Variants in RORB observed in about 807,000 individuals in gnomAD.
RORB encodes the protein nuclear receptor ROR-beta.
A neutral mutation model predicts 59.1 loss-of-function variants in RORB; 6 were observed. The ratio of observed to expected loss-of-function variants is 0.10; its 90% CI spans 0.06 to 0.20. RORB has a LOEUF of 0.20. Among genes scored for constraint, RORB ranks in the 10% least tolerant of loss-of-function variants. The pLI is 1.00. For synonymous variants in RORB, 215 were observed against 204.5 expected, an observed-to-expected ratio of 1.05 and a Z score of -0.44; for missense variants, 320 against 560.5, an observed-to-expected ratio of 0.57 and a Z score of 4.33.
chr9:74,643,658 A>C (rs755889328), intron 4 of RORB, among the ~76,000 whole-genome samples: 99 of 152,348 alleles, frequency 6.5e-4, no homozygotes, highest in African/African-American at 2.2e-3. Flanking sequence ...GTTGCATGTT[A>C]ACAGTAGGCT....
At chr9:74,570,096 T>C (rs939543835) in intron 1 of RORB, among the ~76,000 whole-genome samples, 1 of 152,144 alleles carries the variant, frequency 6.6e-6, no homozygotes, top group African/African-American at 2.4e-5. Flanking sequence ...AAATCTTCTT[T>C]GGAGTGAATA....
chr9:74,625,563 A>C (rs1338301958), intron 1 of RORB, among the ~76,000 whole-genome samples: 1 of 152,228 alleles, frequency 6.6e-6, no homozygotes, highest in East Asian at 1.9e-4. Context: ...GCAGTGAGCT[A>C]CAATAACACT....
At chr9:74,518,580 G>C (rs12351150) in intron 1 of RORB, among the ~76,000 whole-genome samples, 2,671 of 152,076 alleles carry the variant, frequency 0.018, 78 homozygotes, top group African/African-American at 0.061. Flanking sequence ...GCCCCGCCAC[G>C]ATCCTCATTT....
chr9:74,677,738 T>G (rs1824469583), intron 9 of RORB, among the ~76,000 whole-genome samples: 1 of 152,208 alleles, frequency 6.6e-6, no homozygotes, highest in South Asian at 2.1e-4. Context: ...AGACACTATC[T>G]AGAGTATGCA....
At chr9:74,539,934 C>A (rs530280400) in intron 1 of RORB, among the ~76,000 whole-genome samples, 2 of 150,068 alleles carry the variant, frequency 1.3e-5, no homozygotes, top group Non-Finnish European at 3.0e-5. Flanking sequence ...AGCCCTAAGT[C>A]ATCTCCCAGA....
intron 1 of RORB, among the ~76,000 whole-genome samples, chr9:74,545,729 T>C (rs1192109500): frequency 2.0e-5 from 3 of 152,168 alleles, no homozygotes; most frequent in Non-Finnish European, 4.4e-5. Context: ...ACAGTCTTTT[T>C]GGAGACTTGC....
intron 1 of RORB, among the ~76,000 whole-genome samples, chr9:74,558,696 G>A (rs757116425): frequency 3.0e-4 from 19 of 63,920 alleles, no homozygotes; most frequent in Non-Finnish European, 7.2e-4. Context: ...AAGAGATAGA[G>A]GGAGAAACAA....
intron 1 of RORB, 107 bp downstream of exon 1, chr9:74,498,090 A>T (rs888457471): frequency 5.4e-6 from 7 of 1,304,378 alleles, no homozygotes; most frequent in Non-Finnish European, 7.5e-6. Flanking sequence ...GAGGTTGCCC[A>T]GGCGCAGTTC....
chr9:74,590,333 A>T (rs1822868171), intron 1 of RORB, among the ~76,000 whole-genome samples: 1 of 152,152 alleles, frequency 6.6e-6, no homozygotes, highest in African/African-American at 2.4e-5. Context: ...TTGCTTTCAG[A>T]TCAATTATGA....
At chr9:74,601,470 G>A (rs60556593) in intron 1 of RORB, among the ~76,000 whole-genome samples, 1 of 151,708 alleles carries the variant, frequency 6.6e-6, no homozygotes, top group African/African-American at 2.4e-5. Context: ...AAGGCAATCA[G>A]TTTTACCAGT....
intron 3 of RORB, among the ~76,000 whole-genome samples, chr9:74,640,407 G>A (rs1474933157): frequency 6.6e-6 from 1 of 151,084 alleles, no homozygotes; most frequent in Non-Finnish European, 1.5e-5. Flanking sequence ...ACGCCCACAA[G>A]CACATACCAC....
intron 1 of RORB, among the ~76,000 whole-genome samples, chr9:74,566,075 T>A (rs982576233): frequency 1.3e-5 from 2 of 152,186 alleles, no homozygotes; most frequent in East Asian, 3.9e-4. Flanking sequence ...GTGCTACTTA[T>A]TGAGGGCAAT....
chr9:74,634,779 C>T lies in RORB; in HGVS notation c.235+7C>T, dbSNP rs1463453370. ...CTAGGAATGTCAAGAGATGGTAAGACATTACCTTCCTGTTTCTTACTTAAG... is the reference window on the plus strand; with the variant it reads ...CTAGGAATGTCAAGAGATGGTAAGATATTACCTTCCTGTTTCTTACTTAAG... On this transcript the variant is annotated splice_region_variant and intron_variant, in intron 3 of 9. Coordinates refer to ENST00000376896, the MANE Select transcript of RORB (RefSeq NM_006914.4). 7 of 1,607,950 alleles carry T rather than the reference C, an allele frequency of 4.4e-6. No individual in the cohort carries two copies. The highest frequency in any genetic ancestry group is 1.1e-5 in the South Asian group (1 of 89,992).
chr9:74,581,993 G>A (rs569587491), intron 1 of RORB, among the ~76,000 whole-genome samples: 1 of 152,128 alleles, frequency 6.6e-6, no homozygotes, highest in African/African-American at 2.4e-5. Context: ...ATTTTCATCT[G>A]TATCAATCAG....
At chr9:74,504,432 C>A (rs1009269880) in intron 1 of RORB, among the ~76,000 whole-genome samples, 3 of 151,944 alleles carry the variant, frequency 2.0e-5, no homozygotes, top group African/African-American at 7.2e-5. Flanking sequence ...AAAGCCAAAA[C>A]GAACATCTTG....
intron 9 of RORB, among the ~76,000 whole-genome samples, chr9:74,675,052 C>T (rs1173659204): frequency 2.6e-5 from 4 of 151,988 alleles, no homozygotes; most frequent in South Asian, 4.1e-4. Flanking sequence ...AAAATTATTT[C>T]GGCAGAGACA....
intron 5 of RORB, among the ~76,000 whole-genome samples, chr9:74,661,636 CTTTTT>C (rs779927558): frequency 5.0e-5 from 4 of 79,600 alleles, no homozygotes; most frequent in Non-Finnish European, 9.4e-5. Flanking sequence ...TTCTTTTTTC[CTTTTT>C]TTTTTTTTTT....
intron 1 of RORB, among the ~76,000 whole-genome samples, chr9:74,605,787 T>A (rs148399250): frequency 6.6e-6 from 1 of 152,322 alleles, no homozygotes; most frequent in East Asian, 1.9e-4. Context: ...CAAACAGACA[T>A]GGATCCACAT....
At chr9:74,609,730 G>A (rs1400717464) in intron 1 of RORB, among the ~76,000 whole-genome samples, 2 of 152,192 alleles carry the variant, frequency 1.3e-5, no homozygotes, top group Non-Finnish European at 1.5e-5. Context: ...GAGGGATTGA[G>A]TAACTTGCAC....
Sources: allele counts gnomAD v4.1 joint callset (sites outside exome capture counted in the v4.1 genomes callset), GRCh38; gene constraint gnomAD v4.1.1; transcripts MANE v1.5; gene names NCBI Gene and HGNC (gene_info 2026-07-23, HGNC 2026-07-21).